OSMR: variants seen among roughly 807,000 people sequenced by gnomAD.
The protein encoded by OSMR is oncostatin-M-specific receptor subunit beta.
Under a neutral mutation model 99.9 loss-of-function variants are expected in OSMR, and 81 were observed. The observed-to-expected ratio is 0.81, with a 90% confidence interval of 0.68 to 0.97. The LOEUF is 0.97. Ranked by LOEUF, OSMR falls within the 50% of genes least tolerant of loss-of-function variation. The pLI is 0.00. For missense variants in OSMR, 1,099 were observed against 1,153.4 expected (o/e 0.95, Z 0.68); for synonymous variants, 406 against 410.4 (o/e 0.99, Z 0.13).
At chr5:38,879,477 G>A (rs951224499) in intron 3 of OSMR, among the ~76,000 whole-genome samples, 1 of 152,218 alleles carries the variant, frequency 6.6e-6, no homozygotes, top group African/African-American at 2.4e-5. Flanking sequence ...CCAAAGCGGA[G>A]ATGCGGGTAA....
chr5:38,904,981 G>T (rs547337679), intron 9 of OSMR, among the ~76,000 whole-genome samples: 6 of 152,240 alleles, frequency 3.9e-5, no homozygotes, highest in Non-Finnish European at 8.8e-5. Context: ...ATGCTCTGTG[G>T]CAGGGTTTCC....
chr5:38,904,790 A>T (rs1382079828), intron 9 of OSMR, among the ~76,000 whole-genome samples: 1 of 152,192 alleles, frequency 6.6e-6, no homozygotes, highest in African/African-American at 2.4e-5. Context: ...GTAGATCTGG[A>T]GCTATATAAA....
At chr5:38,939,293 A>T (rs1747276843), downstream of OSMR, 1 of 232,332 alleles carries the variant, frequency 4.3e-6, no homozygotes, top group Admixed American at 5.6e-5. Flanking sequence ...CTCTAGATAA[A>T]AGAGCTGAAA....
chr5:38,883,909 T>C lies in OSMR; in HGVS notation c.501T>C (p.Cys167=), dbSNP rs1337771162. The change falls in exon 5 of 18, where the codon TGT becomes TGC. Residue 167 remains cysteine, a synonymous_variant. Transcript: ENST00000274276. ...LVEEGTNVTI[C]YVSRNIQNNV... ...AAGAAGGCACCAATGTTACCATTTG[T>C]TACGTTTCTAGGAACATTCAAAATA... is the stretch of plus-strand genomic sequence containing the variant. 3 of 1,613,838 alleles carry C rather than the reference T, an allele frequency of 1.9e-6. No individual in the cohort carries two copies. The highest frequency in any genetic ancestry group is 8.5e-7 in the Non-Finnish European group (1 of 1,179,730).
chr5:38,924,464 C>T lies in OSMR; in HGVS notation c.1913C>T (p.Ser638Phe), dbSNP rs1278259166. ...NPHVLVDTLT[S>F]HSFTLSWKDY... Reference sequence around the variant, plus strand: ...CACGTGCTGGTGGATACATTGACATCCCACTCCTTCACTCTGAGTTGGAAA... The same window carrying T: ...CACGTGCTGGTGGATACATTGACATTCCACTCCTTCACTCTGAGTTGGAAA... Residue 638 changes from serine to phenylalanine, a missense_variant, in exon 14 of 18, where the codon TCC (serine) becomes TTC (phenylalanine). Physicochemically the swap from Ser to Phe is radical, Grantham distance 155. Transcript: ENST00000274276. 2 of 1,613,956 alleles carry T rather than the reference C, an allele frequency of 1.2e-6. No homozygotes were observed. The highest frequency in any genetic ancestry group is 1.7e-6 in the Non-Finnish European group (2 of 1,179,822).
chr5:38,866,730 G>A (rs1741980489), intron 1 of OSMR, among the ~76,000 whole-genome samples: 2 of 152,008 alleles, frequency 1.3e-5, no homozygotes, highest in Admixed American at 1.3e-4. Context: ...GGAGGGGGCG[G>A]GGACCCCACA....
intron 2 of OSMR, 117 bp from the exon 3 acceptor site, chr5:38,876,084 A>G: frequency 6.9e-7 from 1 of 1,445,928 alleles, no homozygotes; most frequent in Non-Finnish European, 9.3e-7. Context: ...TCTAGGATGC[A>G]CATATGAGCA....
chr5:38,866,570 C>T (rs1741966039), intron 1 of OSMR, among the ~76,000 whole-genome samples: 1 of 152,164 alleles, frequency 6.6e-6, no homozygotes. Context: ...CTGCTGGGTC[C>T]ATCCAGCATT....
chr5:38,882,837 C>T (rs754195243), intron 4 of OSMR, among the ~76,000 whole-genome samples: 8 of 152,126 alleles, frequency 5.3e-5, no homozygotes, highest in Non-Finnish European at 8.8e-5. Flanking sequence ...TTCTTATCCT[C>T]GCTTCACAGA....
intron 16 of OSMR, 65 bp from the exon 17 acceptor site, chr5:38,932,398 A>T (rs1579818447): frequency 8.8e-7 from 1 of 1,138,386 alleles, no homozygotes; most frequent in East Asian, 2.3e-5. Flanking sequence ...CTGACTCCAG[A>T]GTTCTTGCTC....
At chr5:38,855,210 G>A (rs1740747284) in intron 1 of OSMR, among the ~76,000 whole-genome samples, 1 of 152,174 alleles carries the variant, frequency 6.6e-6, no homozygotes, top group Non-Finnish European at 1.5e-5. Context: ...AGAGGGTGTG[G>A]AGCAGCCCAG....
chr5:38,942,206 G>A (rs1382604225), intron 1 of OSMR: 11 of 674,506 alleles, frequency 1.6e-5, no homozygotes, highest in Non-Finnish European at 2.8e-5. Context: ...AGATACTCCT[G>A]TCTTTGCTGC....
chr5:38,871,284 G>C (rs1457993815), intron 2 of OSMR, among the ~76,000 whole-genome samples: 1 of 152,194 alleles, frequency 6.6e-6, no homozygotes, highest in African/African-American at 2.4e-5. Context: ...AGCAAGCTCT[G>C]CTGCTCATGC....
At chr5:38,868,353 G>T (rs1175863448) in intron 1 of OSMR, among the ~76,000 whole-genome samples, 1 of 152,126 alleles carries the variant, frequency 6.6e-6, no homozygotes, top group African/African-American at 2.4e-5. Flanking sequence ...TTCTTCTTCT[G>T]GTTCCAGTAG....
chr5:38,893,316 A>G lies in OSMR; in HGVS notation c.991+7126A>G, dbSNP rs115404238. Among the ~76,000 whole-genome samples, 910 of 152,356 alleles carry G rather than the reference A, an allele frequency of 6.0e-3. 6 individuals are homozygous for G. Among genetic ancestry groups the G allele is most frequent in the Non-Finnish European group, 9.1e-3 (617 of 68,036 alleles). On this transcript the variant is annotated intron_variant, in intron 7 of 17. Transcript: ENST00000274276. ...CGAAATGTTGTGACAACATCAAAGGATCACTCTAGCTCCTGAACCCAAATG... is the reference window on the plus strand; with the variant it reads ...CGAAATGTTGTGACAACATCAAAGGGTCACTCTAGCTCCTGAACCCAAATG...
At chr5:38,899,749 C>T (rs1394416990) in intron 7 of OSMR, among the ~76,000 whole-genome samples, 2 of 152,058 alleles carry the variant, frequency 1.3e-5, no homozygotes, top group Non-Finnish European at 2.9e-5. Flanking sequence ...CTGACTGGTG[C>T]CCTGTCCTAC....
At chr5:38,920,495 G>A (rs572491494) in intron 11 of OSMR, among the ~76,000 whole-genome samples, 3 of 152,310 alleles carry the variant, frequency 2.0e-5, no homozygotes, top group African/African-American at 7.2e-5. Context: ...TAATATGTGA[G>A]GGGCATTTGT....
chr5:38,945,108 C>A (rs200042169), exon 3 of OSMR: 23 of 1,390,376 alleles, frequency 1.7e-5, no homozygotes, highest in Non-Finnish European at 2.1e-5. Flanking sequence ...AGCACCATAA[C>A]GGCTTAATTC....
intron 7 of OSMR, among the ~76,000 whole-genome samples, chr5:38,890,249 G>A (rs879494018): frequency 1.3e-5 from 2 of 152,106 alleles, no homozygotes; most frequent in Non-Finnish European, 2.9e-5. Context: ...GTGCAGAATC[G>A]CAGGCCCCGC....
Sources: gnomAD v4.1 joint callset for allele counts (sites outside exome capture counted in the v4.1 genomes callset) on GRCh38, gnomAD v4.1.1 for gene constraint, MANE v1.5 for transcripts, NCBI Gene and HGNC (gene_info 2026-07-23, HGNC 2026-07-21) for gene names.